ARMC2: variants seen among roughly 807,000 people sequenced by gnomAD.
The protein encoded by ARMC2 is armadillo repeat containing 2.
Under a neutral mutation model 90.3 loss-of-function variants are expected in ARMC2, and 67 were observed. That is an observed-to-expected ratio of 0.74 (90% confidence interval 0.61 to 0.91). The LOEUF (loss-of-function observed/expected upper bound fraction) is 0.91. ARMC2 is among the 40% of genes least tolerant of loss of function. The pLI is 0.00. For synonymous variants in ARMC2, 393 were observed against 393.0 expected (o/e 1.00, Z 0.00); for missense variants, 920 against 1,030.9 (o/e 0.89, Z 1.47).
At chr6:108,890,119 G>A (rs1770813257) in intron 5 of ARMC2, among the ~76,000 whole-genome samples, 2 of 144,154 alleles carry the variant, frequency 1.4e-5, no homozygotes, top group African/African-American at 5.3e-5. Context: ...GAACCCGGGA[G>A]GCGGAGCTTG....
At chr6:108,997,159 C>T in the ARMC2 span, among the ~76,000 whole-genome samples, 8 of 152,208 alleles carry the variant, frequency 5.3e-5, no homozygotes, top group African/African-American at 1.9e-4. Flanking sequence ...AGGCCATAAA[C>T]CTTCTAAAAG....
rs145704911 is a variant in ARMC2 at position 108,928,205 on chromosome 6, G to A, written c.1468G>A (p.Val490Ile). ...AMEQYKGDKD[V>I]CTNIARIFSK... ...GGAACAGTACAAGGGTGACAAGGAC[G>A]TCTGTACCAATATTGCCAGAATATT... The change falls in exon 11 of 18, where the codon GTC (valine) becomes ATC (isoleucine). Residue 490 changes from valine (V) to isoleucine (I), a missense_variant. By Grantham distance (29) the Val-to-Ile change is conservative. Transcript: ENST00000392644. 9.0e-5 allele frequency: 141 copies of A among 1,574,402 alleles called. 1 individual carries two copies. Among genetic ancestry groups the A allele is most frequent in the South Asian group, 3.6e-5 (3 of 83,842 alleles).
At chr6:108,856,625 G>C (rs994630499) in intron 2 of ARMC2, 1 of 187,894 alleles carries the variant, frequency 5.3e-6, no homozygotes, top group Non-Finnish European at 1.2e-5. Flanking sequence ...CGCTTTGACA[G>C]CTTCGCAAAT....
downstream of ARMC2, among the ~76,000 whole-genome samples, chr6:108,974,711 A>G (rs967553361): frequency 6.6e-6 from 1 of 152,028 alleles, no homozygotes; most frequent in Non-Finnish European, 1.5e-5. Flanking sequence ...CTCATTTCTC[A>G]CCCTACAAAA....
At chr6:108,989,620 T>C in the ARMC2 span, among the ~76,000 whole-genome samples, 3 of 145,050 alleles carry the variant, frequency 2.1e-5, no homozygotes, top group Non-Finnish European at 1.5e-5. Flanking sequence ...TCTCTCTATA[T>C]AGAGAAATTT....
At chr6:109,052,763 A>G in the ARMC2 span, among the ~76,000 whole-genome samples, 74 of 152,338 alleles carry the variant, frequency 4.9e-4, no homozygotes, top group South Asian at 3.7e-3. Context: ...AAACATTTCA[A>G]CCATTAAGTA....
chr6:109,013,011 G>A, the ARMC2 span, among the ~76,000 whole-genome samples: 2 of 151,946 alleles, frequency 1.3e-5, no homozygotes, highest in African/African-American at 4.8e-5. Context: ...AGCTACTCTG[G>A]AGGCTGGGGC....
intron 10 of ARMC2, chr6:108,924,180 C>T (rs1327646489): frequency 6.6e-6 from 1 of 152,114 alleles, no homozygotes; most frequent in African/African-American, 2.4e-5. Context: ...TGATCAGCCT[C>T]GGAAAGGACT....
chr6:109,022,627 G>A, the ARMC2 span, among the ~76,000 whole-genome samples: 3 of 151,592 alleles, frequency 2.0e-5, no homozygotes, highest in East Asian at 3.9e-4. Flanking sequence ...CCATAGCCAG[G>A]ATGGTCTCGA....
At chr6:109,006,540 A>T in the ARMC2 span, among the ~76,000 whole-genome samples, 1 of 146,812 alleles carries the variant, frequency 6.8e-6, no homozygotes, top group Admixed American at 7.1e-5. Flanking sequence ...ATTCTAGCTC[A>T]GTCAGTACTA....
At chr6:108,859,586 G>A (rs933562329) in intron 3 of ARMC2, among the ~76,000 whole-genome samples, 1 of 152,006 alleles carries the variant, frequency 6.6e-6, no homozygotes, top group Non-Finnish European at 1.5e-5. Context: ...TACTTGAAGG[G>A]CCCTTTCAAT....
the ARMC2 span, among the ~76,000 whole-genome samples, chr6:109,040,803 C>T: frequency 2.6e-5 from 4 of 151,930 alleles, no homozygotes; most frequent in East Asian, 2.0e-4. Flanking sequence ...CAGGTGCACG[C>T]GACCACGCCC....
intron 1 of ARMC2, among the ~76,000 whole-genome samples, chr6:108,852,177 G>T (rs972597342): frequency 1.3e-5 from 2 of 152,076 alleles, no homozygotes; most frequent in African/African-American, 4.8e-5. Flanking sequence ...ATAATAATTT[G>T]TAGTTTAACA....
rs76179138 is a variant in ARMC2 at position 108,929,349 on chromosome 6, A to C, written c.1496+1116A>C. Among the ~76,000 whole-genome samples the C allele has an allele frequency of 4.2e-3, 635 of 152,262 alleles. 2 individuals are homozygous for C. Among genetic ancestry groups the C allele is most frequent in the African/African-American group, 0.014 (595 of 41,538 alleles). On this transcript the variant is annotated intron_variant, in intron 11 of 17. Coordinates refer to ENST00000392644, the MANE Select transcript of ARMC2 (RefSeq NM_032131.6). ...GCCATCCTTTCTCACTGATTTTGTCAATCAGACAGAAAGTTCCATATAATT... is the reference window on the plus strand; with the variant it reads ...GCCATCCTTTCTCACTGATTTTGTCCATCAGACAGAAAGTTCCATATAATT...
the ARMC2 span, chr6:109,001,284 A>C: frequency 6.2e-7 from 1 of 1,611,258 alleles, no homozygotes; most frequent in Non-Finnish European, 8.5e-7. Context: ...GAATGTTTAC[A>C]AACCATTATT....
chr6:109,037,499 T>C, the ARMC2 span, among the ~76,000 whole-genome samples: 1 of 152,196 alleles, frequency 6.6e-6, no homozygotes, highest in Non-Finnish European at 1.5e-5. Flanking sequence ...CAATTATTAA[T>C]ATATTCAGCA....
chr6:108,989,448 T>G, the ARMC2 span, among the ~76,000 whole-genome samples: 1 of 148,968 alleles, frequency 6.7e-6, no homozygotes, highest in South Asian at 2.1e-4. Flanking sequence ...TCTAGATACA[T>G]CTCTATATCT....
the ARMC2 span, among the ~76,000 whole-genome samples, chr6:109,032,260 G>A: frequency 4.8e-4 from 73 of 151,588 alleles, no homozygotes; most frequent in Admixed American, 7.2e-4. Context: ...CAACAAGAGC[G>A]AAACTCTGCC....
At chr6:109,011,467 T>C in the ARMC2 span, among the ~76,000 whole-genome samples, 1 of 152,308 alleles carries the variant, frequency 6.6e-6, no homozygotes, top group East Asian at 1.9e-4. Flanking sequence ...CTTTATGGTC[T>C]CTATAAAGAC....
Sources: gnomAD v4.1 joint callset for allele counts (sites outside exome capture counted in the v4.1 genomes callset) on GRCh38, gnomAD v4.1.1 for gene constraint, MANE v1.5 for transcripts, NCBI Gene and HGNC (gene_info 2026-07-23, HGNC 2026-07-21) for gene names.